Variants in PARD3B observed in about 807,000 individuals in gnomAD.
The protein encoded by PARD3B is partitioning defective 3 homolog B.
PARD3B carries 103 observed loss-of-function variants against 130.2 expected under a neutral mutation model. That is an observed-to-expected ratio of 0.79 (90% CI 0.67 to 0.93). The LOEUF (loss-of-function observed/expected upper bound fraction) is 0.93. PARD3B is among the 40% of genes least tolerant of loss of function. PARD3B has a pLI of 0.00. For missense variants in PARD3B, 1,609 were observed against 1,499.2 expected (o/e 1.07, Z -1.21); for synonymous variants, 583 against 553.2 (o/e 1.05, Z -0.76).
intron 2 of PARD3B, among the ~76,000 whole-genome samples, chr2:204,893,379 G>T (rs905303158): frequency 6.6e-6 from 1 of 152,152 alleles, no homozygotes; most frequent in Non-Finnish European, 1.5e-5. Context: ...ATGAGAAAGT[G>T]CTTGGAGGAG....
intron 12 of PARD3B, among the ~76,000 whole-genome samples, chr2:205,175,738 A>C (rs1472907730): frequency 1.3e-5 from 2 of 152,330 alleles, no homozygotes; most frequent in East Asian, 3.9e-4. Flanking sequence ...TTGGAAAAAA[A>C]AATAGTTAAG....
At chr2:204,829,959 A>C (rs1480320100) in intron 2 of PARD3B, among the ~76,000 whole-genome samples, 2 of 138,292 alleles carry the variant, frequency 1.4e-5, no homozygotes, top group Non-Finnish European at 3.0e-5. Context: ...AGATCGCGCC[A>C]CTGCACTCCA....
chr2:205,456,896 T>G (rs2048295631), intron 20 of PARD3B, among the ~76,000 whole-genome samples: 1 of 149,930 alleles, frequency 6.7e-6, no homozygotes, highest in Non-Finnish European at 1.5e-5. Flanking sequence ...AATAATCAAT[T>G]TAATATTGTA....
intron 1 of PARD3B, 82 bp downstream of exon 1, chr2:204,546,201 G>A (rs1308106467): frequency 4.6e-6 from 7 of 1,529,894 alleles, no homozygotes; most frequent in Non-Finnish European, 6.2e-6. Flanking sequence ...CTCAGGGGAT[G>A]CAGAAAACCC....
At chr2:205,453,584 C>T (rs1006008804) in intron 20 of PARD3B, among the ~76,000 whole-genome samples, 1 of 152,136 alleles carries the variant, frequency 6.6e-6, no homozygotes, top group African/African-American at 2.4e-5. Context: ...CCTATGGTGA[C>T]ACAGATAATA....
rs1234452844 is a variant in PARD3B, at chr2:205,562,103, T to A, written c.3260+8700T>A. Among the ~76,000 whole-genome samples the A allele has an allele frequency of 6.6e-6, 1 of 152,168 alleles. No individual in the cohort carries two copies. The highest frequency in any genetic ancestry group is 2.4e-5 in the African/African-American group (1 of 41,446). On this transcript the variant is annotated intron_variant, in intron 22 of 22. Transcript: ENST00000406610. This position sits in a 1 kb window ranked among gnomAD's most constrained non-coding sequence, Gnocchi z 5.4. ...ATGCAGAAAGCCCCAGCATGTAATATCACTTTAAGATGCCAAACAGCTGAG... is the reference window on the plus strand; with the variant it reads ...ATGCAGAAAGCCCCAGCATGTAATAACACTTTAAGATGCCAAACAGCTGAG...
intron 21 of PARD3B, among the ~76,000 whole-genome samples, chr2:205,544,085 A>G (rs192547487): frequency 7.2e-5 from 11 of 152,202 alleles, no homozygotes; most frequent in Non-Finnish European, 1.2e-4. Context: ...AGCAAGGAGT[A>G]AATGACTCAT....
intron 18 of PARD3B, among the ~76,000 whole-genome samples, chr2:205,381,418 G>T (rs148951481): frequency 1.3e-5 from 2 of 150,940 alleles, no homozygotes; most frequent in African/African-American, 2.4e-5. Flanking sequence ...TACATATGTC[G>T]TTAAGTAGTA....
chr2:204,976,757 C>T (rs1233167897), intron 3 of PARD3B, among the ~76,000 whole-genome samples: 1 of 151,764 alleles, frequency 6.6e-6, no homozygotes, highest in Non-Finnish European at 1.5e-5. Context: ...GAGGTGCGGG[C>T]CATCACACCC....
intron 2 of PARD3B, among the ~76,000 whole-genome samples, chr2:204,728,438 G>T (rs1401328175): frequency 6.6e-6 from 1 of 152,170 alleles, no homozygotes; most frequent in Admixed American, 6.5e-5. Flanking sequence ...GGCCAGCTGG[G>T]CTGTGTGGAG....
At chr2:204,591,881 T>A (rs1449401834) in intron 1 of PARD3B, among the ~76,000 whole-genome samples, 7 of 152,256 alleles carry the variant, frequency 4.6e-5, no homozygotes, top group South Asian at 2.1e-4. Context: ...TTATAGATAA[T>A]GTGTCTTATG....
intron 2 of PARD3B, among the ~76,000 whole-genome samples, chr2:204,780,715 G>A (rs980151823): frequency 3.3e-5 from 5 of 152,168 alleles, no homozygotes; most frequent in Admixed American, 1.3e-4. Flanking sequence ...AAAAACAGAC[G>A]CATTTGGGGG....
At chr2:204,802,237 C>G (rs2042597280) in intron 2 of PARD3B, among the ~76,000 whole-genome samples, 1 of 152,090 alleles carries the variant, frequency 6.6e-6, no homozygotes. Context: ...AACATATGAA[C>G]AAAAGCTCAT....
rs913226270 is a variant in PARD3B at position 204,653,491 on chromosome 2, T to TA, written c.121-32682dup. Among the ~76,000 whole-genome samples, 19 of 150,364 alleles carry TA rather than the reference T, an allele frequency of 1.3e-4. 1 individual carries two copies. The highest frequency in any genetic ancestry group is 1.2e-4 in the Non-Finnish European group (8 of 67,852). On this transcript the variant is annotated intron_variant, in intron 1 of 22. Coordinates refer to ENST00000406610, the MANE Select transcript of PARD3B (RefSeq NM_001302769.2). ...ATCTATGGCAGCTTTAGGTCAGTCTTAAAAAAAATGTTGAAAGGGCCAGGC... is the reference window on the plus strand; with the variant it reads ...ATCTATGGCAGCTTTAGGTCAGTCTTAAAAAAAAATGTTGAAAGGGCCAGGC...
At chr2:205,070,660 T>G (rs1700669702) in intron 4 of PARD3B, among the ~76,000 whole-genome samples, 1 of 152,246 alleles carries the variant, frequency 6.6e-6, no homozygotes, top group African/African-American at 2.4e-5. Context: ...ACATAATAAG[T>G]TTTGTTTTGT....
intron 2 of PARD3B, among the ~76,000 whole-genome samples, chr2:204,899,064 T>C (rs1011306001): frequency 2.0e-5 from 3 of 152,126 alleles, no homozygotes. Flanking sequence ...TTTTTTTTTT[T>C]TAATCTATGT....
intron 1 of PARD3B, among the ~76,000 whole-genome samples, chr2:204,563,149 G>C (rs2031426860): frequency 1.3e-5 from 2 of 151,696 alleles, no homozygotes; most frequent in South Asian, 4.2e-4. Context: ...TGGCAGCCCA[G>C]GGCATTTCTG....
At chr2:205,209,888 T>A (rs1318119587) in intron 15 of PARD3B, among the ~76,000 whole-genome samples, 1 of 152,070 alleles carries the variant, frequency 6.6e-6, no homozygotes, top group Non-Finnish European at 1.5e-5. Context: ...TTGTACATTT[T>A]AAAATAACTA....
At chr2:205,368,237 A>T (rs899434815) in intron 18 of PARD3B, among the ~76,000 whole-genome samples, 4 of 152,222 alleles carry the variant, frequency 2.6e-5, no homozygotes, top group African/African-American at 9.6e-5. Flanking sequence ...GGTGGGAAAT[A>T]TGGTGTTAGA....
Sources: gnomAD v4.1 joint callset for allele counts (sites outside exome capture counted in the v4.1 genomes callset) on GRCh38, gnomAD v4.1.1 for gene constraint, Gnocchi (gnomAD v3.1) non-coding constraint, MANE v1.5 for transcripts, NCBI Gene and HGNC (gene_info 2026-07-23, HGNC 2026-07-21) for gene names.